ALDH1A2: variants seen among roughly 807,000 people sequenced by gnomAD.
The protein encoded by ALDH1A2 is retinal dehydrogenase 2.
In ALDH1A2, 27 loss-of-function variants were observed where a neutral mutation model predicts 60.3. The ratio of observed to expected loss-of-function variants is 0.45; its 90% CI spans 0.33 to 0.62. The LOEUF is 0.62. Among genes scored for constraint, ALDH1A2 ranks in the 20% least tolerant of loss-of-function variants. ALDH1A2 has a pLI of 0.02. For missense variants in ALDH1A2, 581 were observed against 643.8 expected, an observed-to-expected ratio of 0.90 and a Z score of 1.06; for synonymous variants, 289 against 232.4, an observed-to-expected ratio of 1.24 and a Z score of -2.21.
intron 3 of ALDH1A2, among the ~76,000 whole-genome samples, chr15:58,011,603 A>G (rs1895635216): frequency 6.6e-6 from 1 of 152,222 alleles, no homozygotes; most frequent in Non-Finnish European, 1.5e-5. Flanking sequence ...TGTATTTTAT[A>G]AGACATACTG....
intron 1 of ALDH1A2, among the ~76,000 whole-genome samples, chr15:58,040,879 T>C (rs1160584301): frequency 6.6e-6 from 1 of 151,934 alleles, no homozygotes; most frequent in Non-Finnish European, 1.5e-5. Flanking sequence ...TAGGCAGTCA[T>C]GTTTGTCCTG....
At chr15:57,972,258 C>G (rs532222551) in intron 7 of ALDH1A2, among the ~76,000 whole-genome samples, 1 of 152,320 alleles carries the variant, frequency 6.6e-6, no homozygotes, top group South Asian at 2.1e-4. Context: ...TCAGGCTCTT[C>G]TCCCTCCTCT....
chr15:57,993,018 C>T lies in ALDH1A2; in HGVS notation c.611G>A (p.Gly204Asp), dbSNP rs758095172. The T allele has an allele frequency of 1.9e-6, 3 of 1,613,628 alleles. No homozygotes were observed. The highest frequency in any genetic ancestry group is 2.2e-5 in the East Asian group (1 of 44,874). ...TGCTGGCTTAATAACTACTGTATTG[C>T]CACAGCACAAAGCTGGAGCTATTTT... ...AWKIAPALCCGNTVVIKPAEQ... is the reference protein window; with the variant it reads ...AWKIAPALCCDNTVVIKPAEQ... Residue 204 changes from glycine to aspartate, a missense_variant, in exon 6 of 13, where the codon GGC (glycine) becomes GAC (aspartate). This residue lies in a region of ALDH1A2 where 375 missense variants were observed against 469.7 expected (regional missense o/e 0.80). Transcript: ENST00000249750.
chr15:58,017,619 G>T (rs1294832788), intron 1 of ALDH1A2, among the ~76,000 whole-genome samples: 4 of 152,044 alleles, frequency 2.6e-5, no homozygotes, highest in African/African-American at 9.7e-5. Flanking sequence ...TTTACGAGAT[G>T]ATAATGTTCT....
At chr15:57,991,688 A>G (rs1197141350) in intron 7 of ALDH1A2, 2 of 152,366 alleles carry the variant, frequency 1.3e-5, no homozygotes, top group East Asian at 1.9e-4. Flanking sequence ...ATATGTTGCA[A>G]TATTTTGAAA....
chr15:58,029,837 G>C (rs1445195914), intron 1 of ALDH1A2, among the ~76,000 whole-genome samples: 1 of 152,116 alleles, frequency 6.6e-6, no homozygotes, highest in African/African-American at 2.4e-5. Context: ...GAATAAACCA[G>C]GAAGAAGCTG....
intron 1 of ALDH1A2, among the ~76,000 whole-genome samples, chr15:58,033,139 G>A (rs1209703978): frequency 6.6e-6 from 1 of 151,858 alleles, no homozygotes; most frequent in Non-Finnish European, 1.5e-5. Context: ...AAAATGTACT[G>A]TACTTAAGTG....
intron 4 of ALDH1A2, among the ~76,000 whole-genome samples, chr15:58,007,751 T>C (rs1895505004): frequency 6.6e-6 from 1 of 151,316 alleles, no homozygotes; most frequent in Admixed American, 6.6e-5. Flanking sequence ...AATAAAGATC[T>C]CATGGTTAAA....
At chr15:58,000,588 T>C (rs1566944099) in intron 4 of ALDH1A2, among the ~76,000 whole-genome samples, 1 of 152,018 alleles carries the variant, frequency 6.6e-6, no homozygotes, top group Non-Finnish European at 1.5e-5. Context: ...CATGGGCTGG[T>C]AATATTTTCT....
intron 4 of ALDH1A2, among the ~76,000 whole-genome samples, chr15:58,005,278 C>T (rs780914434): frequency 6.6e-6 from 1 of 151,956 alleles, no homozygotes; most frequent in Non-Finnish European, 1.5e-5. Flanking sequence ...AGATGTCTCT[C>T]CTATGGTGTC....
At chr15:57,988,817 GCTT>G (rs1261374352) in intron 7 of ALDH1A2, among the ~76,000 whole-genome samples, 4 of 152,178 alleles carry the variant, frequency 2.6e-5, no homozygotes, top group African/African-American at 9.7e-5. Context: ...TCACTATGTG[GCTT>G]CTTGTCTGGC....
In ALDH1A2 at chr15:57,965,741, A is replaced by C; in HGVS notation, c.885T>G (p.Ile295Met). 1 of 1,613,932 alleles carries C rather than the reference A, an allele frequency of 6.2e-7. No homozygotes were observed. The change falls in exon 8 of 13, where the codon ATT becomes ATG. Residue 295 changes from isoleucine (I) to methionine (M), a missense_variant. By Grantham distance (10) the Ile-to-Met change is conservative (BLOSUM62 1). Transcript: ENST00000249750. ...LELGGKSPNI[I>M]FADADLDYAV... Reference sequence around the variant, plus strand: ...TTGACTTACAGTCAGCATCAGCAAAAATAATATTAGGACTTTTGCCTCCAA... The same window carrying C: ...TTGACTTACAGTCAGCATCAGCAAACATAATATTAGGACTTTTGCCTCCAA...
intron 1 of ALDH1A2, among the ~76,000 whole-genome samples, chr15:58,023,738 A>C (rs115507641): frequency 0.014 from 2,059 of 152,176 alleles, 54 homozygotes; most frequent in African/African-American, 0.046. Context: ...AAATAGACTG[A>C]TTCCCAGATA....
At chr15:58,058,164 T>C (rs1270455498) in intron 1 of ALDH1A2, 6 of 1,212,752 alleles carry the variant, frequency 4.9e-6, no homozygotes, top group African/African-American at 1.5e-5. Flanking sequence ...CATTTCATAA[T>C]TTCACCTTCC....
chr15:57,977,631 T>C (rs1222786750), intron 7 of ALDH1A2, among the ~76,000 whole-genome samples: 2 of 152,208 alleles, frequency 1.3e-5, no homozygotes, highest in Non-Finnish European at 2.9e-5. Context: ...GTAGTAAAGT[T>C]TGAAGTTGGG....
At chr15:57,964,273 T>A (rs1257924494) in intron 8 of ALDH1A2, 1 of 591,492 alleles carries the variant, frequency 1.7e-6, no homozygotes, top group Non-Finnish European at 3.0e-6. Context: ...CTTCTTTGGG[T>A]CTCTTTCTTA....
rs1381023450 is a variant in ALDH1A2 at position 57,964,076 on chromosome 15, G to T, written c.902-7C>A. On this transcript the variant is annotated splice_polypyrimidine_tract_variant and splice_region_variant and intron_variant, in intron 8 of 12. Coordinates refer to ENST00000249750, the MANE Select transcript of ALDH1A2 (RefSeq NM_003888.4). Reference sequence around the variant, plus strand: ...TGCTCCACAGCATAGTCCACTACAAGAGGAAACAGCCATGTTCTCACCGCT... The same window carrying T: ...TGCTCCACAGCATAGTCCACTACAATAGGAAACAGCCATGTTCTCACCGCT... The T allele has an allele frequency of 6.2e-7, 1 of 1,613,930 alleles. No homozygotes were observed. Among genetic ancestry groups the T allele is most frequent in the Non-Finnish European group, 8.5e-7 (1 of 1,179,968 alleles).
intron 7 of ALDH1A2, among the ~76,000 whole-genome samples, chr15:57,987,820 G>C (rs1274216117): frequency 6.7e-6 from 1 of 150,152 alleles, no homozygotes; most frequent in Non-Finnish European, 1.5e-5. Context: ...GGGAGGCAGA[G>C]CTTGCAGTGA....
At chr15:57,971,584 G>A (rs567854409) in intron 7 of ALDH1A2, among the ~76,000 whole-genome samples, 11 of 151,682 alleles carry the variant, frequency 7.3e-5, no homozygotes, top group Admixed American at 5.3e-4. Context: ...CATCATGCCT[G>A]GCTAATTAAA....
Sources: allele counts gnomAD v4.1 joint callset (sites outside exome capture counted in the v4.1 genomes callset), GRCh38; gene constraint gnomAD v4.1.1; regional missense constraint gnomAD v4.1.1; transcripts MANE v1.5; gene names NCBI Gene and HGNC (gene_info 2026-07-23, HGNC 2026-07-21).